KIF20B: variants seen among roughly 807,000 people sequenced by gnomAD.
KIF20B encodes the protein kinesin family member 20B.
KIF20B carries 188 observed loss-of-function variants against 232.5 expected under a neutral mutation model. That is an observed-to-expected ratio of 0.81 (90% CI 0.72 to 0.91). The LOEUF (loss-of-function observed/expected upper bound fraction) is 0.91. Ranked by LOEUF, KIF20B falls within the 40% of genes least tolerant of loss-of-function variation. The probability of loss-of-function intolerance (pLI) is 0.00; values close to 1 mark genes in which losing one functional copy is unlikely to be tolerated. For synonymous variants in KIF20B, 712 were observed against 683.0 expected (o/e 1.04, Z -0.66); for missense variants, 2,154 against 2,055.9 (o/e 1.05, Z -0.92).
intron 12 of KIF20B, 40 bp from the exon 13 acceptor site, chr10:89,719,379 G>A (rs1356636526): frequency 6.4e-6 from 9 of 1,396,876 alleles, no homozygotes; most frequent in Non-Finnish European, 8.7e-6. Context: ...GACAGTTCTT[G>A]TCTTTTCTGT....
At chr10:89,749,818 G>C (rs1183490728) in intron 23 of KIF20B, among the ~76,000 whole-genome samples, 1 of 152,004 alleles carries the variant, frequency 6.6e-6, no homozygotes, top group East Asian at 1.9e-4. Context: ...TCCACTTTTG[G>C]CTTTTATGAA....
intron 6 of KIF20B, among the ~76,000 whole-genome samples, chr10:89,713,692 T>C (rs989449934): frequency 2.6e-5 from 4 of 152,170 alleles, no homozygotes; most frequent in Non-Finnish European, 5.9e-5. Context: ...AGGGAATAAT[T>C]AAGTCATTTC....
rs1347767231 is a variant in KIF20B, at chr10:89,745,779, A to G, written c.4036-120A>G. On this transcript the variant is annotated intron_variant, in intron 22 of 32. Transcript: ENST00000371728. ...AAGCTTGAGACTGGTACCAGCTGGT[A>G]TACCAGCTATATAGGAGACTGATTT... 6.1e-6 allele frequency: 4 copies of G among 655,124 alleles called. No individual in the cohort carries two copies. The African/African-American group carries it at 7.2e-5, about 12-fold the overall frequency. The allele number at this position is 655,124 out of a possible 1,614,324, so 40.6% of individuals were successfully genotyped here.
At chr10:89,725,473 T>G (rs1276033711) in intron 15 of KIF20B, among the ~76,000 whole-genome samples, 1 of 152,168 alleles carries the variant, frequency 6.6e-6, no homozygotes, top group Non-Finnish European at 1.5e-5. Context: ...ATAAAAAGAA[T>G]TTTAAAGGTG....
Position 89,772,794 on chromosome 10 carries a change from G to A in KIF20B, c.5348G>A (p.Ser1783Asn). Residue 1783 changes from serine (S) to asparagine (N), a missense_variant, in exon 32 of 33, where the codon AGT (serine) becomes AAT (asparagine). By Grantham distance (46) the Ser-to-Asn change is conservative. Coordinates refer to ENST00000371728, the MANE Select transcript of KIF20B (RefSeq NM_001284259.2). Reference protein sequence around the residue: ...PKRAKRKLYTSEISSPIDISG... With the variant: ...PKRAKRKLYTNEISSPIDISG... ...CGAGCCAAACGGAAATTATACACAA[G>A]TGAAATTTCATCTCCTATTGATATA... 1 of 1,610,774 alleles carries A rather than the reference G, an allele frequency of 6.2e-7. No homozygotes were observed. Among genetic ancestry groups the A allele is most frequent in the Non-Finnish European group, 8.5e-7 (1 of 1,178,158 alleles).
At chr10:89,723,753 T>C (rs1226179324) in intron 13 of KIF20B, 2 of 363,100 alleles carry the variant, frequency 5.5e-6, no homozygotes, top group Middle Eastern at 7.8e-4. Flanking sequence ...TTACCAAAGG[T>C]CTATTTCTAA....
At chr10:89,753,285 G>C (rs1284198615) in intron 25 of KIF20B, among the ~76,000 whole-genome samples, 1 of 152,054 alleles carries the variant, frequency 6.6e-6, no homozygotes, top group Non-Finnish European at 1.5e-5. Flanking sequence ...CTGTAGGATT[G>C]AAGGAAACAT....
chr10:89,758,274 G>A (rs138212360), intron 26 of KIF20B, among the ~76,000 whole-genome samples: 30 of 152,104 alleles, frequency 2.0e-4, no homozygotes, highest in African/African-American at 7.2e-4. Context: ...TCTTTCAGCA[G>A]TATTTTATGG....
intron 32 of KIF20B, among the ~76,000 whole-genome samples, chr10:89,773,368 TA>T (rs1034071711): frequency 3.3e-5 from 5 of 151,704 alleles, no homozygotes; most frequent in African/African-American, 1.2e-4. Context: ...AAAGTGAAGG[TA>T]AAAAAATAAT....
chr10:89,750,678 A>G (rs1459263740), intron 23 of KIF20B, among the ~76,000 whole-genome samples: 1 of 152,102 alleles, frequency 6.6e-6, no homozygotes, highest in Non-Finnish European at 1.5e-5. Flanking sequence ...TTCCCTCTTT[A>G]TCCGTTTCCT....
At chr10:89,755,574 C>G (rs1842104880) in intron 26 of KIF20B, among the ~76,000 whole-genome samples, 1 of 151,216 alleles carries the variant, frequency 6.6e-6, no homozygotes, top group Non-Finnish European at 1.5e-5. Flanking sequence ...ATCCCCTTCC[C>G]CTTCCCTTTC....
At chr10:89,721,049 A>T (rs142746682) in intron 13 of KIF20B, among the ~76,000 whole-genome samples, 1 of 152,258 alleles carries the variant, frequency 6.6e-6, no homozygotes, top group Non-Finnish European at 1.5e-5. Flanking sequence ...GTGAGTATAG[A>T]TGGAGTCCTC....
At chr10:89,716,855 T>C (rs1842944713) in intron 9 of KIF20B, among the ~76,000 whole-genome samples, 1 of 152,168 alleles carries the variant, frequency 6.6e-6, no homozygotes, top group South Asian at 2.1e-4. Flanking sequence ...TCTTTCTCAC[T>C]TATCCCCTGA....
rs767287759 is a variant in KIF20B, at chr10:89,726,472, C to G, written c.2181C>G (p.Thr727=). 8.1e-6 allele frequency: 13 copies of G among 1,604,750 alleles called. No homozygotes were observed. The highest frequency in any genetic ancestry group is 7.8e-5 in the South Asian group (7 of 89,386). The part of the protein sequence containing the change: ...FNQIKAELAK[T]KGELIKTKEE... ...AAATTAAAGCTGAATTAGCTAAAAC[C>G]AAAGGAGAATTAATCAAAACCAAAG... The change falls in exon 16 of 33, where the codon ACC becomes ACG. Residue 727 remains threonine, a synonymous_variant. Coordinates refer to ENST00000371728, the MANE Select transcript of KIF20B (RefSeq NM_001284259.2).
chr10:89,747,686 T>C (rs893313024), intron 23 of KIF20B, among the ~76,000 whole-genome samples: 4 of 144,656 alleles, frequency 2.8e-5, no homozygotes, highest in Non-Finnish European at 4.5e-5. Flanking sequence ...AATTGAACAA[T>C]GAGAGCACAT....
At chr10:89,764,532 T>C (rs941494053) in intron 29 of KIF20B, among the ~76,000 whole-genome samples, 56 of 152,184 alleles carry the variant, frequency 3.7e-4, no homozygotes, top group African/African-American at 1.4e-3. Context: ...AGTGTTCCTA[T>C]TTCTCCACAT....
Position 89,772,736 on chromosome 10 carries a change from G to A in KIF20B, c.5290G>A (p.Glu1764Lys). Residue 1764 changes from glutamate to lysine, a missense_variant, in exon 32 of 33, where the codon GAA becomes AAA. Glu to Lys is a moderately conservative substitution (Grantham distance 56). Coordinates refer to ENST00000371728, the MANE Select transcript of KIF20B (RefSeq NM_001284259.2). ...TMSSSKLSNV[E>K]ASKENVSQPK... ...GAGCTCTTCAAAGCTCTCAAATGTA[G>A]AAGCAAGTAAAGAAAATGTGTCTCA... 1 of 1,606,704 alleles carries A rather than the reference G, an allele frequency of 6.2e-7. No homozygotes were observed. Among genetic ancestry groups the A allele is most frequent in the Non-Finnish European group, 8.5e-7 (1 of 1,174,756 alleles).
At chr10:89,733,848 T>G (rs112541443) in intron 19 of KIF20B, among the ~76,000 whole-genome samples, 1 of 152,168 alleles carries the variant, frequency 6.6e-6, no homozygotes, top group African/African-American at 2.4e-5. Flanking sequence ...GATCTTGGAA[T>G]CCTGTAATGA....
intron 31 of KIF20B, among the ~76,000 whole-genome samples, chr10:89,769,406 T>TAAAAC (rs553870110): frequency 4.2e-4 from 63 of 151,790 alleles, no homozygotes; most frequent in African/African-American, 9.7e-4. Context: ...GCTAAAAGCC[T>TAAAAC]AAAACAAAAC....
Sources: allele counts gnomAD v4.1 joint callset (sites outside exome capture counted in the v4.1 genomes callset), GRCh38; gene constraint gnomAD v4.1.1; transcripts MANE v1.5; gene names NCBI Gene and HGNC (gene_info 2026-07-23, HGNC 2026-07-21).